The following TTC28 variants were observed in gnomAD, a reference collection of about 807,000 sequenced individuals.
The protein encoded by TTC28 is tetratricopeptide repeat protein 28.
A neutral mutation model predicts 198.0 loss-of-function variants in TTC28; 61 were observed. The observed-to-expected ratio is 0.31, with a 90% confidence interval of 0.25 to 0.38. TTC28 has a LOEUF of 0.38. Among genes scored for constraint, TTC28 ranks in the 10% least tolerant of loss-of-function variants. The pLI is 1.00. For synonymous variants in TTC28, 1,171 were observed against 1,297.8 expected, an observed-to-expected ratio of 0.90 and a Z score of 2.10; for missense variants, 2,678 against 3,164.0, an observed-to-expected ratio of 0.85 and a Z score of 3.69.
chr22:28,426,683 C>T (rs1032133429), intron 2 of TTC28, among the ~76,000 whole-genome samples: 13 of 152,162 alleles, frequency 8.5e-5, no homozygotes, highest in Non-Finnish European at 1.3e-4. Context: ...CCTCTTCTTA[C>T]CTAAGCTACT....
intron 2 of TTC28, among the ~76,000 whole-genome samples, chr22:28,393,440 C>T (rs1039426807): frequency 2.0e-5 from 3 of 151,942 alleles, no homozygotes; most frequent in Non-Finnish European, 4.4e-5. Context: ...GCCTGTAATC[C>T]CGGCACTTTG....
At chr22:28,389,208 G>T (rs1055901319) in intron 2 of TTC28, among the ~76,000 whole-genome samples, 2 of 152,208 alleles carry the variant, frequency 1.3e-5, no homozygotes, top group Admixed American at 1.3e-4. Context: ...GATCATGGTG[G>T]ATAAGCTTTT....
At chr22:28,399,015 C>CTTTTTTTT (rs77161387) in intron 2 of TTC28, among the ~76,000 whole-genome samples, 8 of 135,230 alleles carry the variant, frequency 5.9e-5, no homozygotes, top group African/African-American at 5.4e-5. Context: ...GTTATTTTGC[C>CTTTTTTTT]TTTTTTTTTT....
chr22:28,060,978 G>A (rs1940506748), intron 12 of TTC28, among the ~76,000 whole-genome samples: 1 of 152,206 alleles, frequency 6.6e-6, no homozygotes, highest in Admixed American at 6.5e-5. Context: ...CAGTGAGGAT[G>A]AGCATTTTTT....
intron 5 of TTC28, among the ~76,000 whole-genome samples, chr22:28,279,372 G>C (rs1295433873): frequency 6.6e-6 from 1 of 151,870 alleles, no homozygotes; most frequent in African/African-American, 2.4e-5. Flanking sequence ...ATTTGATGAG[G>C]TTTTGTTTGT....
At chr22:28,044,141 C>T (rs1939770329) in intron 12 of TTC28, among the ~76,000 whole-genome samples, 1 of 152,220 alleles carries the variant, frequency 6.6e-6, no homozygotes, top group South Asian at 2.1e-4. Context: ...CATACATTCA[C>T]TGGTCTCTCT....
At chr22:28,389,762 T>A (rs1285109705) in intron 2 of TTC28, among the ~76,000 whole-genome samples, 1 of 149,470 alleles carries the variant, frequency 6.7e-6, no homozygotes, top group Admixed American at 6.7e-5. Context: ...GCTAGTGGTC[T>A]ATCAATTTTG....
At chr22:28,355,997 C>G (rs1381092933) in intron 2 of TTC28, among the ~76,000 whole-genome samples, 1 of 152,210 alleles carries the variant, frequency 6.6e-6, no homozygotes, top group East Asian at 1.9e-4. Flanking sequence ...CCTTCTGTTG[C>G]TTTGGAAAAT....
intron 2 of TTC28, among the ~76,000 whole-genome samples, chr22:28,337,921 G>C (rs1406117892): frequency 1.3e-5 from 2 of 152,222 alleles, no homozygotes; most frequent in Admixed American, 6.5e-5. Context: ...GGTTGATGCA[G>C]TTTCTTTCTA....
At chr22:28,538,325 T>C (rs6005807) in intron 2 of TTC28, among the ~76,000 whole-genome samples, 135,424 of 152,074 alleles carry the variant, frequency 0.89, 60,404 homozygotes, top group Middle Eastern at 0.96. Flanking sequence ...TTGACTCAAG[T>C]GGTCCTACCA....
chr22:28,079,465 A>G (rs1941269153), intron 12 of TTC28, among the ~76,000 whole-genome samples: 1 of 152,148 alleles, frequency 6.6e-6, no homozygotes, highest in Non-Finnish European at 1.5e-5. Context: ...GAAATTTTTC[A>G]TCTTATAAAA....
chr22:28,460,676 C>T (rs377293625), intron 2 of TTC28, among the ~76,000 whole-genome samples: 12 of 149,290 alleles, frequency 8.0e-5, no homozygotes, highest in African/African-American at 1.5e-4. Flanking sequence ...GACAGACAGA[C>T]AGATAGATAG....
At chr22:28,578,817 G>C (rs1424435578) in intron 2 of TTC28, among the ~76,000 whole-genome samples, 3 of 151,976 alleles carry the variant, frequency 2.0e-5, no homozygotes, top group African/African-American at 7.3e-5. Context: ...AGCAACACGG[G>C]GCAGAACTCA....
At chr22:28,542,823 G>GA (rs2049446062) in intron 2 of TTC28, among the ~76,000 whole-genome samples, 1 of 151,522 alleles carries the variant, frequency 6.6e-6, no homozygotes, top group Non-Finnish European at 1.5e-5. Context: ...ATGCTTATAG[G>GA]AAAAAAAGTC....
chr22:28,632,021 T>G, intron 1 of TTC28, among the ~76,000 whole-genome samples: 1 of 152,040 alleles, frequency 6.6e-6, no homozygotes, highest in Non-Finnish European at 1.5e-5. Context: ...AGAGGATGCA[T>G]CTGATTTGAT....
At position 27,998,525 on chromosome 22, in the gene TTC28, C is replaced by T; in HGVS notation, c.5119+15G>A. ...CCAGGCCTTGACAGGCACCCGCAGC[C>T]AGCCGAACTCCCACCTGCCCAGTTG... On this transcript the variant is annotated intron_variant, in intron 16 of 22. Coordinates refer to ENST00000397906, the MANE Select transcript of TTC28 (RefSeq NM_001145418.2). 1 of 1,542,218 alleles carries T rather than the reference C, an allele frequency of 6.5e-7. No homozygotes were observed. The highest frequency in any genetic ancestry group is 1.2e-5 in the South Asian group (1 of 82,826).
chr22:28,162,777 CT>C (rs1380851189), intron 6 of TTC28, among the ~76,000 whole-genome samples: 5 of 152,088 alleles, frequency 3.3e-5, no homozygotes, highest in Middle Eastern at 3.2e-3. Flanking sequence ...AAGAAGACGC[CT>C]GTCTCTACAA....
chr22:28,184,938 G>A (rs1301004426), intron 5 of TTC28, among the ~76,000 whole-genome samples: 1 of 152,154 alleles, frequency 6.6e-6, no homozygotes, highest in African/African-American at 2.4e-5. Flanking sequence ...GCCAAGGGTT[G>A]TCTTATTCAT....
At chr22:28,659,203 C>A (rs1052591322) in intron 1 of TTC28, among the ~76,000 whole-genome samples, 2 of 152,172 alleles carry the variant, frequency 1.3e-5, no homozygotes, top group African/African-American at 4.8e-5. Context: ...AAAATAACTC[C>A]ATCACAGTAT....
Sources: allele counts gnomAD v4.1 joint callset (sites outside exome capture counted in the v4.1 genomes callset), GRCh38; gene constraint gnomAD v4.1.1; transcripts MANE v1.5; gene names NCBI Gene and HGNC (gene_info 2026-07-23, HGNC 2026-07-21).